KDM6A: variants seen among roughly 807,000 people sequenced by gnomAD.
The protein encoded by KDM6A is lysine demethylase 6A, also known as lysine-specific demethylase 6A.
In KDM6A, 11 loss-of-function variants were observed where a neutral mutation model predicts 117.6. The ratio of observed to expected loss-of-function variants is 0.09; its 90% CI spans 0.06 to 0.15. The LOEUF (loss-of-function observed/expected upper bound fraction) is 0.15. Ranked by LOEUF, KDM6A falls within the 10% of genes least tolerant of loss-of-function variation. The pLI is 1.00. For synonymous variants in KDM6A, 384 were observed against 396.1 expected (o/e 0.97, Z 0.36); for missense variants, 799 against 1,077.3 (o/e 0.74, Z 3.62).
At chrX:44,913,298 G>T (rs866356892) in intron 2 of KDM6A, among the ~76,000 whole-genome samples, 5 of 86,524 alleles carry the variant, frequency 5.8e-5, no homozygotes, top group South Asian at 5.9e-4. Context: ...TGTGTTAACT[G>T]TTTTTTTTTT....
chrX:45,025,453 A>G (rs777562139), intron 6 of KDM6A, among the ~76,000 whole-genome samples: 2 of 112,501 alleles, frequency 1.8e-5, no homozygotes, highest in South Asian at 7.4e-4. Flanking sequence ...GCAAGCCACC[A>G]TGCCCAGCCT....
At chrX:45,032,944 A>G (rs1207814149) in intron 6 of KDM6A, among the ~76,000 whole-genome samples, 1 of 112,481 alleles carries the variant, frequency 8.9e-6, no homozygotes, top group African/African-American at 3.2e-5. Flanking sequence ...AATTACTGAT[A>G]GATGAAATGT....
chrX:45,021,772 A>G (rs1195503977), intron 6 of KDM6A, among the ~76,000 whole-genome samples: 1 of 111,809 alleles, frequency 8.9e-6, no homozygotes, highest in Non-Finnish European at 1.9e-5. Context: ...TAGATCACAC[A>G]GTGGTTGAAG....
rs747797092 is a variant in KDM6A, at chrX:45,063,598, C to T, written c.1860C>T (p.Ala620=). The T allele has an allele frequency of 8.3e-7, 1 of 1,211,332 alleles. No homozygotes were observed. Among genetic ancestry groups the T allele is most frequent in the South Asian group, 1.8e-5 (1 of 56,976 alleles). ...VRPACPGQPL[A]NGPFSAGHVP... ...CTGCCTGCCCTGGGCAGCCTTTGGC[C>T]AATGGACCCTTTTCTGCAGGCCATG... Residue 620 remains alanine, a synonymous_variant, in exon 17 of 30, where the codon GCC becomes GCT. Coordinates refer to ENST00000611820, the MANE Select transcript of KDM6A (RefSeq NM_001291415.2).
chrX:44,963,503 G>GTCTGTCTGTCTGTCTGTC lies in KDM6A; in HGVS notation c.334+2126_334+2127insGTCTCTGTCTGTCTGTCT, dbSNP rs1569485931. ...TGTGTGTGTCTGTCTGTCTGTCTCTGTCTGTCTGTCTGTCTCTGTCTCTCT... is the reference window on the plus strand; with the variant it reads ...TGTGTGTGTCTGTCTGTCTGTCTCTGTCTGTCTGTCTGTCTGTCTCTGTCTGTCTGTCTCTGTCTCTCT... On this transcript the variant is annotated intron_variant, in intron 3 of 29. Transcript: ENST00000611820. 4.9e-5 allele frequency among the ~76,000 whole-genome samples: 5 copies of GTCTGTCTGTCTGTCTGTC among 101,714 alleles called. No individual in the cohort carries two copies. In the South Asian group the frequency reaches 1.8e-3, roughly 36 times the overall value. The allele number at this position is 101,714 out of a possible 115,157, so 88.3% of individuals were successfully genotyped here. A position where few individuals can be genotyped will look rare whatever the true frequency, so the allele number is the denominator to read the frequency against.
At chrX:44,903,448 A>G (rs1487185766) in intron 2 of KDM6A, among the ~76,000 whole-genome samples, 1 of 111,594 alleles carries the variant, frequency 9.0e-6, no homozygotes, top group African/African-American at 3.3e-5. Flanking sequence ...ATCTGTTTGG[A>G]ATTCATTGAG....
chrX:44,877,014 C>G (rs1486362168), intron 2 of KDM6A, among the ~76,000 whole-genome samples: 1 of 111,480 alleles, frequency 9.0e-6, no homozygotes, highest in Non-Finnish European at 1.9e-5. Context: ...CACACGTATA[C>G]GTGTATACAT....
At chrX:44,892,815 C>T (rs1256985729) in intron 2 of KDM6A, among the ~76,000 whole-genome samples, 1 of 108,287 alleles carries the variant, frequency 9.2e-6, no homozygotes, top group Non-Finnish European at 1.9e-5. Flanking sequence ...GCAGCCTGGA[C>T]AATATGGTGA....
At chrX:44,884,257 C>T (rs1390640297) in intron 2 of KDM6A, among the ~76,000 whole-genome samples, 1 of 110,340 alleles carries the variant, frequency 9.1e-6, no homozygotes, top group Non-Finnish European at 1.9e-5. Context: ...CACTATAGGC[C>T]GTAGGATGTT....
chrX:45,002,861 G>GCCCC (rs1169401246), intron 4 of KDM6A, among the ~76,000 whole-genome samples: 7 of 21,996 alleles, frequency 3.2e-4, no homozygotes, highest in African/African-American at 9.8e-4. Flanking sequence ...TCCCCTCCCC[G>GCCCC]CCCCCCCCCC....
chrX:44,910,675 T>C (rs1234255739), intron 2 of KDM6A, among the ~76,000 whole-genome samples: 1 of 109,121 alleles, frequency 9.2e-6, no homozygotes, highest in African/African-American at 3.3e-5. Flanking sequence ...TCCCTGGGTA[T>C]TTGAGATTAG....
intron 6 of KDM6A, among the ~76,000 whole-genome samples, chrX:45,029,830 C>T (rs1203428059): frequency 1.8e-5 from 2 of 110,455 alleles, no homozygotes; most frequent in African/African-American, 6.6e-5. Flanking sequence ...AAACTAGGAC[C>T]AGTTTTTAAA....
chrX:45,013,891 T>C (rs1283132574), intron 5 of KDM6A, among the ~76,000 whole-genome samples: 1 of 112,115 alleles, frequency 8.9e-6, no homozygotes, highest in Non-Finnish European at 1.9e-5. Flanking sequence ...CCTTAATTGA[T>C]TGGAGCTTAT....
chrX:45,090,946 C>T (rs1354711040), intron 27 of KDM6A, 82 bp downstream of exon 27: 9 of 1,001,998 alleles, frequency 9.0e-6, no homozygotes, highest in African/African-American at 3.8e-5. Flanking sequence ...CTTAGAATTA[C>T]GTTGACATCA....
intron 4 of KDM6A, among the ~76,000 whole-genome samples, chrX:45,000,719 G>A (rs747192692): frequency 8.9e-6 from 1 of 112,712 alleles, no homozygotes. Context: ...GATGGCCCTC[G>A]GGGGCTGGGA....
At chrX:44,972,474 G>A (rs1045528673) in intron 3 of KDM6A, among the ~76,000 whole-genome samples, 2 of 110,804 alleles carry the variant, frequency 1.8e-5, no homozygotes, top group African/African-American at 6.6e-5. Flanking sequence ...TAGCAGGCAC[G>A]AACATAGCTA....
At chrX:45,052,608 T>C (rs2043903302) in intron 9 of KDM6A, among the ~76,000 whole-genome samples, 1 of 111,857 alleles carries the variant, frequency 8.9e-6, no homozygotes, top group African/African-American at 3.3e-5. Context: ...ACAACTTGAG[T>C]AAAATCCTAA....
At chrX:45,034,905 T>C (rs1569525791) in intron 6 of KDM6A, 26 bp from the exon 7 acceptor site, 3 of 1,178,444 alleles carry the variant, frequency 2.5e-6, no homozygotes, top group Non-Finnish European at 3.5e-6. Flanking sequence ...ATTGACTGCA[T>C]TAATTTTCTC....
intron 2 of KDM6A, among the ~76,000 whole-genome samples, chrX:44,922,747 G>A (rs1352841401): frequency 8.9e-6 from 1 of 112,927 alleles, no homozygotes; most frequent in Non-Finnish European, 1.9e-5. Flanking sequence ...GGGATTACAG[G>A]CGTGAGCCAC....
Sources: allele counts gnomAD v4.1 joint callset (sites outside exome capture counted in the v4.1 genomes callset), GRCh38; gene constraint gnomAD v4.1.1; transcripts MANE v1.5; gene names NCBI Gene and HGNC (gene_info 2026-07-23, HGNC 2026-07-21).